Variants in ABHD2 observed in about 807,000 individuals in gnomAD.
The protein encoded by ABHD2 is monoacylglycerol lipase ABHD2.
In ABHD2, 20 loss-of-function variants were observed where a neutral mutation model predicts 48.1. That is an observed-to-expected ratio of 0.42 (90% CI 0.29 to 0.60). ABHD2 has a LOEUF of 0.60. Ranked by LOEUF, ABHD2 falls within the 20% of genes least tolerant of loss-of-function variation. The pLI, the probability that ABHD2 is intolerant of heterozygous loss-of-function variation, is 0.24. For synonymous variants in ABHD2, 209 were observed against 214.2 expected (o/e 0.98, Z 0.21); for missense variants, 405 against 550.9 (o/e 0.74, Z 2.65).
At chr15:89,050,900 A>G in the ABHD2 span, among the ~76,000 whole-genome samples, 1 of 152,174 alleles carries the variant, frequency 6.6e-6, no homozygotes, top group African/African-American at 2.4e-5. Context: ...AGCATCTGCT[A>G]TGTACCAGGT....
intron 1 of ABHD2, among the ~76,000 whole-genome samples, chr15:89,093,469 C>T (rs1412668462): frequency 1.3e-5 from 2 of 152,114 alleles, no homozygotes; most frequent in East Asian, 1.9e-4. Flanking sequence ...CCGTGCCTGG[C>T]CTCATTTCCA....
At chr15:89,070,513 G>A in the ABHD2 span, among the ~76,000 whole-genome samples, 31,673 of 151,902 alleles carry the variant, frequency 0.21, 4,164 homozygotes, top group African/African-American at 0.36. Context: ...CTGGAGATGC[G>A]GAACTAAGAA....
At chr15:89,109,682 C>G (rs2049843068) in intron 1 of ABHD2, among the ~76,000 whole-genome samples, 1 of 152,052 alleles carries the variant, frequency 6.6e-6, no homozygotes, top group South Asian at 2.1e-4. Context: ...AGTGACAAGT[C>G]AGACTTGGGG....
chr15:89,130,128 T>C (rs2050196306), intron 3 of ABHD2, among the ~76,000 whole-genome samples: 1 of 152,248 alleles, frequency 6.6e-6, no homozygotes, highest in Non-Finnish European at 1.5e-5. Context: ...AATATGGCAA[T>C]ATTGTCAAAA....
At chr15:89,158,703 TTTTTG>T (rs766623321) in intron 5 of ABHD2, among the ~76,000 whole-genome samples, 9 of 152,168 alleles carry the variant, frequency 5.9e-5, no homozygotes, top group Non-Finnish European at 1.0e-4. Context: ...AGGTTCATTC[TTTTTG>T]TTTTGTTTTG....
Position 89,127,706 on chromosome 15 carries a change from C to CATATATATATATATATATAT in ABHD2, c.194+11198_194+11199insTATATATATATATATATATA, listed in dbSNP as rs71464446. Among the ~76,000 whole-genome samples the CATATATATATATATATATAT allele has an allele frequency of 3.4e-4, 44 of 129,866 alleles. 1 individual carries two copies. Among genetic ancestry groups the CATATATATATATATATATAT allele is most frequent in the African/African-American group, 1.4e-3 (39 of 27,910 alleles). The allele number at this position is 129,866 out of a possible 152,430, so 85.2% of individuals were successfully genotyped here. ...TCTTCTCAGTGAATATATATATATACATATATATATATACACATATATATA... is the reference window on the plus strand; with the variant it reads ...TCTTCTCAGTGAATATATATATATACATATATATATATATATATATATATATATATATACACATATATATA... On this transcript the variant is annotated intron_variant, in intron 3 of 10. Transcript: ENST00000352732.
Position 89,124,673 on chromosome 15 carries a change from A to T in ABHD2, c.194+8152A>T, listed in dbSNP as rs201841699. 2.0e-4 allele frequency among the ~76,000 whole-genome samples: 30 copies of T among 152,328 alleles called. No individual in the cohort carries two copies. The East Asian group carries it at 4.6e-3, about 23-fold the overall frequency. ...TTTATCTGTTTTAAGAGTTGTGCAGACTGGGCATGGGGGCTCATGCCTGTA... is the reference window on the plus strand; with the variant it reads ...TTTATCTGTTTTAAGAGTTGTGCAGTCTGGGCATGGGGGCTCATGCCTGTA... On this transcript the variant is annotated intron_variant, in intron 3 of 10. Transcript: ENST00000352732.
chr15:89,157,607 G>T (rs1307252394), intron 5 of ABHD2, among the ~76,000 whole-genome samples: 1 of 152,296 alleles, frequency 6.6e-6, no homozygotes, highest in Non-Finnish European at 1.5e-5. Context: ...ACTTTGGGAG[G>T]CCAAGGCAGG....
At chr15:89,126,750 G>T (rs77511274) in intron 3 of ABHD2, among the ~76,000 whole-genome samples, 7,222 of 152,240 alleles carry the variant, frequency 0.047, 542 homozygotes, top group African/African-American at 0.16. Context: ...AGAGCTGACG[G>T]CTGTTTACGC....
the ABHD2 span, among the ~76,000 whole-genome samples, chr15:89,052,379 A>G: frequency 6.6e-6 from 1 of 152,204 alleles, no homozygotes; most frequent in Non-Finnish European, 1.5e-5. Flanking sequence ...GATGAAATAA[A>G]TTCTAAATTA....
intron 5 of ABHD2, among the ~76,000 whole-genome samples, chr15:89,156,390 G>C (rs926458676): frequency 6.6e-6 from 1 of 150,736 alleles, no homozygotes; most frequent in African/African-American, 2.4e-5. Context: ...CGAAGTGCTG[G>C]GATTACAGGC....
chr15:89,195,139 C>T lies in ABHD2; in HGVS notation c.1082-88C>T, dbSNP rs1286204295. 1.4e-6 allele frequency: 2 copies of T among 1,481,442 alleles called. No individual in the cohort carries two copies. The highest frequency in any genetic ancestry group is 1.8e-6 in the Non-Finnish European group (2 of 1,099,418). 91.8% of individuals were successfully genotyped at this position (1,481,442 alleles called of 1,614,324 possible). A position where few individuals can be genotyped will look rare whatever the true frequency, so the allele number is the denominator to read the frequency against. The stretch of plus-strand genomic sequence containing the variant: ...ACTTAGGTGACCCTGCGGGGACAGC[C>T]AGGCTACCCTAGCCAGCTCACCTCT... On this transcript the variant is annotated intron_variant, in intron 10 of 10. Coordinates refer to ENST00000352732, the MANE Select transcript of ABHD2 (RefSeq NM_152924.5). The surrounding 1 kb of genome is among the most constrained non-coding windows in gnomAD (Gnocchi z 5.1).
intron 1 of ABHD2, among the ~76,000 whole-genome samples, chr15:89,107,580 C>T (rs185650922): frequency 3.9e-5 from 6 of 152,164 alleles, no homozygotes; most frequent in Admixed American, 1.3e-4. Flanking sequence ...TATTGTATGC[C>T]GGCATTGTTT....
rs1263125719 is a variant in ABHD2, at chr15:89,155,080, T to C, written c.371-287T>C. Among the ~76,000 whole-genome samples, 1 of 152,248 alleles carries C rather than the reference T, an allele frequency of 6.6e-6. No individual in the cohort carries two copies. The highest frequency in any genetic ancestry group is 1.5e-5 in the Non-Finnish European group (1 of 68,038). On this transcript the variant is annotated intron_variant, in intron 4 of 10. Coordinates refer to ENST00000352732, the MANE Select transcript of ABHD2 (RefSeq NM_152924.5). The surrounding 1 kb of genome is among the most constrained non-coding windows in gnomAD (Gnocchi z 4.9). ...TCTTATAGTAGAAAATTGAGGTTTG[T>C]ATATTTTTCATTTCATTTTTCCAGT... is the stretch of plus-strand genomic sequence containing the variant.
rs77126743 is a variant in ABHD2 at position 89,198,275 on chromosome 15, C to G, written c.*2852C>G. The G allele has an allele frequency of 4.6e-4, 70 of 152,292 alleles. No homozygotes were observed. The highest frequency in any genetic ancestry group is 1.7e-3 in the African/African-American group (70 of 41,558). 9.4% of individuals were successfully genotyped at this position (152,292 alleles called of 1,614,324 possible). On this transcript the variant is annotated 3_prime_UTR_variant, in exon 11 of 11. Coordinates refer to ENST00000352732, the MANE Select transcript of ABHD2 (RefSeq NM_152924.5). This position sits in a 1 kb window ranked among gnomAD's most constrained non-coding sequence, Gnocchi z 5.1. ...CATTGCAGGAATAATATGTTAAAAA[C>G]CAATGGGGAGAAGCACCCACATCTC...
chr15:89,075,932 G>A, the ABHD2 span, among the ~76,000 whole-genome samples: 3 of 152,334 alleles, frequency 2.0e-5, no homozygotes, highest in South Asian at 6.2e-4. This position sits in a 1 kb window ranked among gnomAD's most constrained non-coding sequence, Gnocchi z 4.1. Context: ...AGAACTGAAA[G>A]CCAACTGCTG....
chr15:89,073,150 A>G, the ABHD2 span, among the ~76,000 whole-genome samples: 3 of 152,274 alleles, frequency 2.0e-5, no homozygotes, highest in African/African-American at 7.2e-5. Context: ...GGGACAAAGA[A>G]TATACTCAGA....
In ABHD2 at chr15:89,155,687, G is replaced by C. The variant is rs1419914860; in HGVS notation, c.538+153G>C. ...TATATCAACAGCCAACTTGTACTGGGCATTGATGATGCCATGCCTCACACC... is the reference window on the plus strand; with the variant it reads ...TATATCAACAGCCAACTTGTACTGGCCATTGATGATGCCATGCCTCACACC... On this transcript the variant is annotated intron_variant, in intron 5 of 10. Transcript: ENST00000352732. The surrounding 1 kb of genome is among the most constrained non-coding windows in gnomAD (Gnocchi z 4.9). Among the ~76,000 whole-genome samples the C allele has an allele frequency of 1.3e-5, 2 of 152,154 alleles. No homozygotes were observed. The highest frequency in any genetic ancestry group is 2.4e-5 in the African/African-American group (1 of 41,432).
intron 1 of ABHD2, among the ~76,000 whole-genome samples, chr15:89,096,954 T>C (rs747866793): frequency 1.3e-5 from 2 of 152,250 alleles, no homozygotes; most frequent in Non-Finnish European, 2.9e-5. Context: ...AGAATTGCAG[T>C]AGCTGGCAGC....
Sources: allele counts gnomAD v4.1 joint callset (sites outside exome capture counted in the v4.1 genomes callset), GRCh38; gene constraint gnomAD v4.1.1; non-coding constraint Gnocchi (gnomAD v3.1); transcripts MANE v1.5; gene names NCBI Gene and HGNC (gene_info 2026-07-23, HGNC 2026-07-21).